SLC35D2: variants seen among roughly 807,000 people sequenced by gnomAD.
SLC35D2 encodes nucleotide sugar transporter SLC35D2.
A neutral mutation model predicts 41.8 loss-of-function variants in SLC35D2; 43 were observed. The observed-to-expected ratio is 1.03, with a 90% confidence interval of 0.81 to 1.33. The LOEUF is 1.33. Ranked by LOEUF, SLC35D2 falls within the 40% of genes most tolerant of loss-of-function variation. The pLI, the probability that SLC35D2 is intolerant of heterozygous loss-of-function variation, is 0.00. For synonymous variants in SLC35D2, 150 were observed against 163.9 expected (o/e 0.92, Z 0.65); for missense variants, 380 against 408.4 (o/e 0.93, Z 0.60).
chr9:96,329,284 G>A (rs957724711), intron 9 of SLC35D2, among the ~76,000 whole-genome samples: 2 of 151,760 alleles, frequency 1.3e-5, no homozygotes, highest in African/African-American at 4.8e-5. Flanking sequence ...AGGCTGGAGT[G>A]TAGTGGTGCC....
chr9:96,344,916 A>G (rs1829509560), intron 7 of SLC35D2, among the ~76,000 whole-genome samples: 2 of 152,196 alleles, frequency 1.3e-5, no homozygotes, highest in Admixed American at 1.3e-4. Context: ...TCAAAGTCAC[A>G]ACAGTCAGTA....
At chr9:96,338,555 CAAAAAAAAAA>C (rs58788876) in intron 8 of SLC35D2, among the ~76,000 whole-genome samples, 1 of 115,792 alleles carries the variant, frequency 8.6e-6, no homozygotes, top group Non-Finnish European at 1.8e-5. Context: ...GACCCTGTCT[CAAAAAAAAAA>C]AAAAAAAATA....
At chr9:96,359,906 T>C (rs76860448) in intron 4 of SLC35D2, among the ~76,000 whole-genome samples, 2,097 of 152,338 alleles carry the variant, frequency 0.014, 42 homozygotes, top group African/African-American at 0.047. Flanking sequence ...CTTCTCTACC[T>C]TAATGTCTAC....
intron 1 of SLC35D2, among the ~76,000 whole-genome samples, chr9:96,370,520 G>A (rs576196209): frequency 6.6e-6 from 1 of 152,192 alleles, no homozygotes; most frequent in African/African-American, 2.4e-5. Context: ...AGCCGGGCGT[G>A]GTGGTGGGCA....
intron 4 of SLC35D2, among the ~76,000 whole-genome samples, chr9:96,353,110 A>G (rs562942492): frequency 7.9e-5 from 12 of 152,292 alleles, no homozygotes; most frequent in African/African-American, 2.9e-4. Context: ...AACCACATGC[A>G]TAAATGTGTT....
chr9:96,323,963 A>T (rs1828380079), intron 10 of SLC35D2, 128 bp downstream of exon 10: 1 of 701,486 alleles, frequency 1.4e-6, no homozygotes, highest in Admixed American at 2.3e-5. Context: ...ACACAGGCCG[A>T]GCTGAAAAGG....
chr9:96,361,320 C>G lies in SLC35D2; in HGVS notation c.280-1099G>C, dbSNP rs542826995. 6.6e-5 allele frequency among the ~76,000 whole-genome samples: 10 copies of G among 152,196 alleles called. No homozygotes were observed. In the South Asian group the frequency reaches 2.1e-3, roughly 32 times the overall value. On this transcript the variant is annotated intron_variant, in intron 3 of 11. Transcript: ENST00000253270. ...ATGTGACTGTATTTGGAGATGAGGT[C>G]TTAACCAAGGTAATTCAGGTTACAT...
chr9:96,317,938 G>A (rs971991911), downstream of SLC35D2, among the ~76,000 whole-genome samples: 3 of 105,622 alleles, frequency 2.8e-5, no homozygotes, highest in African/African-American at 1.2e-4. Context: ...GAGGGAGGCT[G>A]AGACACAAGA....
intron 9 of SLC35D2, among the ~76,000 whole-genome samples, chr9:96,329,455 C>T (rs1399855987): frequency 1.3e-5 from 2 of 152,074 alleles, no homozygotes; most frequent in Admixed American, 1.3e-4. Context: ...AAACTCCTGG[C>T]CTCAAGTGAT....
rs757937936 is a variant in SLC35D2, at chr9:96,351,193, G to A, written c.420-22C>T. On this transcript the variant is annotated intron_variant, in intron 5 of 11. Transcript: ENST00000253270. ...CTTCCTGTAATAAATACACAAATAAGAAAGGAAAGGGAGCAGAGAGGAAAA... is the reference window on the plus strand; with the variant it reads ...CTTCCTGTAATAAATACACAAATAAAAAAGGAAAGGGAGCAGAGAGGAAAA... 7.0e-5 allele frequency: 105 copies of A among 1,501,014 alleles called. 2 individuals are homozygous for A. In the South Asian group the frequency reaches 1.1e-3, roughly 15 times the overall value. The allele number at this position is 1,501,014 out of a possible 1,614,324, so 93.0% of individuals were successfully genotyped here.
intron 8 of SLC35D2, among the ~76,000 whole-genome samples, chr9:96,338,586 G>T (rs1355970364): frequency 6.6e-6 from 1 of 150,462 alleles, no homozygotes; most frequent in East Asian, 2.0e-4. Context: ...CACGTTAAAT[G>T]TTCCTAATTG....
In SLC35D2 at chr9:96,349,772, C is replaced by T. The variant is rs1474552042; in HGVS notation, c.488+1331G>A. On this transcript the variant is annotated intron_variant, in intron 6 of 11. Transcript: ENST00000253270. Reference sequence around the variant, plus strand: ...AACTCCTGACTTCAGGTGATGCACCCGCCTGGGCCTCCCAATCGCTGGGAT... The same window carrying T: ...AACTCCTGACTTCAGGTGATGCACCTGCCTGGGCCTCCCAATCGCTGGGAT... Among the ~76,000 whole-genome samples, 8 of 152,276 alleles carry T rather than the reference C, an allele frequency of 5.3e-5. No individual in the cohort carries two copies. In the East Asian group the frequency reaches 1.4e-3, roughly 26 times the overall value.
At chr9:96,355,163 G>A (rs1365909481) in intron 4 of SLC35D2, among the ~76,000 whole-genome samples, 5 of 151,610 alleles carry the variant, frequency 3.3e-5, no homozygotes, top group Non-Finnish European at 7.4e-5. Flanking sequence ...GGATTTAGGT[G>A]TGCACTACCA....
chr9:96,376,829 C>T lies in SLC35D2; in HGVS notation c.158+6648G>A, dbSNP rs61322030. On this transcript the variant is annotated intron_variant, in intron 1 of 11. Coordinates refer to ENST00000253270, the MANE Select transcript of SLC35D2 (RefSeq NM_007001.3). ...CCATGTTGGCTGACCAGGATGGTCTCGAACTCCTGACCTCAAGTGATCCAC... is the reference window on the plus strand; with the variant it reads ...CCATGTTGGCTGACCAGGATGGTCTTGAACTCCTGACCTCAAGTGATCCAC... Among the ~76,000 whole-genome samples, 397 of 151,436 alleles carry T rather than the reference C, an allele frequency of 2.6e-3. 1 individual carries two copies. Among genetic ancestry groups the T allele is most frequent in the African/African-American group, 9.0e-3 (371 of 41,280 alleles).
chr9:96,382,673 A>G (rs1269763375), intron 1 of SLC35D2, among the ~76,000 whole-genome samples: 1 of 152,050 alleles, frequency 6.6e-6, no homozygotes, highest in African/African-American at 2.4e-5. Context: ...GATACTCTCT[A>G]ACTAAGACAC....
intron 9 of SLC35D2, among the ~76,000 whole-genome samples, chr9:96,327,232 T>G (rs1828577515): frequency 6.6e-6 from 1 of 152,232 alleles, no homozygotes; most frequent in South Asian, 2.1e-4. Context: ...ATCCTCCATT[T>G]TTCTTTTCTT....
chr9:96,380,960 T>C (rs997114840), intron 1 of SLC35D2, among the ~76,000 whole-genome samples: 9 of 152,092 alleles, frequency 5.9e-5, no homozygotes, highest in African/African-American at 1.9e-4. Context: ...GGCCACAGGA[T>C]CACCAAAAAA....
chr9:96,344,586 C>G (rs1056089870), intron 7 of SLC35D2, among the ~76,000 whole-genome samples: 7 of 77,122 alleles, frequency 9.1e-5, no homozygotes, highest in African/African-American at 3.9e-4. Context: ...AAAAAAAGAG[C>G]AGATTAAAAA....
chr9:96,356,618 C>A (rs1337238796), intron 4 of SLC35D2, among the ~76,000 whole-genome samples: 1 of 152,112 alleles, frequency 6.6e-6, no homozygotes, highest in African/African-American at 2.4e-5. Context: ...CCAATAATCC[C>A]AGCAATTTAG....
Sources: gnomAD v4.1 joint callset for allele counts (sites outside exome capture counted in the v4.1 genomes callset) on GRCh38, gnomAD v4.1.1 for gene constraint, MANE v1.5 for transcripts, NCBI Gene and HGNC (gene_info 2026-07-23, HGNC 2026-07-21) for gene names.